Variants in TAF3 observed in about 807,000 individuals in gnomAD.
TAF3 encodes transcription initiation factor TFIID subunit 3.
A neutral mutation model predicts 80.6 loss-of-function variants in TAF3; 7 were observed. That is an observed-to-expected ratio of 0.09 (90% CI 0.05 to 0.16). TAF3 has a LOEUF of 0.16. TAF3 is among the 10% of genes least tolerant of loss of function. The pLI, the probability that TAF3 is intolerant of heterozygous loss-of-function variation, is 1.00. For synonymous variants in TAF3, 444 were observed against 446.1 expected (o/e 1.00, Z 0.06); for missense variants, 921 against 1,140.2 (o/e 0.81, Z 2.77).
chr10:7,846,627 A>G (rs1301900674), intron 2 of TAF3, among the ~76,000 whole-genome samples: 1 of 147,688 alleles, frequency 6.8e-6, no homozygotes, highest in Non-Finnish European at 1.5e-5. Flanking sequence ...AAAAAGGAGA[A>G]AAATGATCAT....
At chr10:7,848,156 C>A (rs923355444) in intron 2 of TAF3, among the ~76,000 whole-genome samples, 1 of 152,160 alleles carries the variant, frequency 6.6e-6, no homozygotes, top group African/African-American at 2.4e-5. Context: ...ATAAAGGTTC[C>A]ATTGGAGCCA....
chr10:7,894,078 C>T (rs1381930965), intron 2 of TAF3, among the ~76,000 whole-genome samples: 3 of 152,110 alleles, frequency 2.0e-5, no homozygotes, highest in South Asian at 2.1e-4. Context: ...TAAAATTATC[C>T]TTTTTCTTTT....
At chr10:7,917,918 C>T (rs896373728) in intron 2 of TAF3, among the ~76,000 whole-genome samples, 2 of 152,104 alleles carry the variant, frequency 1.3e-5, no homozygotes, top group African/African-American at 2.4e-5. Context: ...TGGAGAAGAC[C>T]GAGGAGAGGA....
At chr10:7,846,450 T>C (rs888413880) in intron 2 of TAF3, among the ~76,000 whole-genome samples, 2 of 152,204 alleles carry the variant, frequency 1.3e-5, no homozygotes, top group African/African-American at 4.8e-5. Flanking sequence ...TTTAACATAA[T>C]TTGAGGAAAG....
intron 2 of TAF3, among the ~76,000 whole-genome samples, chr10:7,878,594 T>G (rs1013080475): frequency 1.3e-5 from 2 of 152,160 alleles, no homozygotes; most frequent in African/African-American, 4.8e-5. Context: ...GGTATTTAAA[T>G]CAGCTATATT....
At chr10:7,990,006 A>AT (rs919885268) in intron 4 of TAF3, among the ~76,000 whole-genome samples, 9 of 151,248 alleles carry the variant, frequency 6.0e-5, no homozygotes, top group Non-Finnish European at 7.4e-5. Context: ...TTAAAATTAT[A>AT]TTTTTTCTAA....
At chr10:7,825,579 C>A (rs960053087) in intron 2 of TAF3, among the ~76,000 whole-genome samples, 33 of 146,656 alleles carry the variant, frequency 2.3e-4, no homozygotes, top group African/African-American at 7.9e-4. Flanking sequence ...TATAAATGGA[C>A]TTGGACATTA....
chr10:7,935,766 G>T (rs1487004356), intron 2 of TAF3, among the ~76,000 whole-genome samples: 1 of 148,888 alleles, frequency 6.7e-6, no homozygotes, highest in African/African-American at 2.4e-5. Flanking sequence ...AAGAGAGGAA[G>T]CGCAGATTCC....
At chr10:7,840,776 C>T (rs980623816) in intron 2 of TAF3, among the ~76,000 whole-genome samples, 3 of 151,894 alleles carry the variant, frequency 2.0e-5, no homozygotes, top group African/African-American at 7.2e-5. Flanking sequence ...GAACAGTGTA[C>T]TCATTGCCTT....
intron 4 of TAF3, among the ~76,000 whole-genome samples, chr10:7,986,739 C>T (rs1282425465): frequency 1.3e-5 from 2 of 152,148 alleles, no homozygotes; most frequent in African/African-American, 4.8e-5. Flanking sequence ...GAAAGAAGTC[C>T]ATATCCTTAT....
chr10:7,886,621 G>A (rs1426983609), intron 2 of TAF3, among the ~76,000 whole-genome samples: 1 of 152,228 alleles, frequency 6.6e-6, no homozygotes, highest in Non-Finnish European at 1.5e-5. Flanking sequence ...TGGGGTTAGT[G>A]TAAAAACTAA....
chr10:7,876,972 A>G (rs911002926), intron 2 of TAF3, among the ~76,000 whole-genome samples: 2 of 150,902 alleles, frequency 1.3e-5, no homozygotes, highest in South Asian at 2.1e-4. Context: ...CCTGATTTTC[A>G]GATCTCTCTT....
At chr10:7,984,741 A>C (rs1831760510) in intron 4 of TAF3, among the ~76,000 whole-genome samples, 1 of 152,222 alleles carries the variant, frequency 6.6e-6, no homozygotes, top group African/African-American at 2.4e-5. Flanking sequence ...AAAGTACTTA[A>C]GATTCATTAT....
At chr10:7,979,226 C>A (rs1364574736) in intron 4 of TAF3, among the ~76,000 whole-genome samples, 1 of 151,858 alleles carries the variant, frequency 6.6e-6, no homozygotes, top group Non-Finnish European at 1.5e-5. Context: ...TGCCTGTAGT[C>A]CCAGCTACTT....
rs1378892662 is a variant in TAF3, at chr10:8,016,209, C to CTGTT, written c.*1459_*1462dup. ...CCCAGTGTAGGCCCATGTGCTGGAT[C>CTGTT]TGTTGGATGCTAGAATATGGGCTTT... On this transcript the variant is annotated 3_prime_UTR_variant, in exon 7 of 7. Transcript: ENST00000344293. 1 of 152,154 alleles carries CTGTT rather than the reference C, an allele frequency of 6.6e-6. No individual in the cohort carries two copies. Among genetic ancestry groups the CTGTT allele is most frequent in the South Asian group, 2.1e-4 (1 of 4,836 alleles). The allele number at this position is 152,154 out of a possible 1,614,324, so 9.4% of individuals were successfully genotyped here.
chr10:7,898,329 C>T (rs1378063085), intron 2 of TAF3, among the ~76,000 whole-genome samples: 1 of 151,994 alleles, frequency 6.6e-6, no homozygotes, highest in Non-Finnish European at 1.5e-5. Context: ...GGTGGATCAC[C>T]TGAGGTCAGG....
chr10:7,988,959 ATGTG>A (rs1831807045), intron 4 of TAF3, among the ~76,000 whole-genome samples: 1 of 152,126 alleles, frequency 6.6e-6, no homozygotes, highest in African/African-American at 2.4e-5. Context: ...TGTAAAAAAA[ATGTG>A]TGTCCTATTT....
In TAF3 at chr10:7,883,359, T is replaced by G. The variant is rs529122319; in HGVS notation, c.409+58799T>G. Among the ~76,000 whole-genome samples the G allele has an allele frequency of 5.3e-5, 8 of 152,368 alleles. No homozygotes were observed. In the South Asian group the frequency reaches 1.7e-3, roughly 32 times the overall value. On this transcript the variant is annotated intron_variant, in intron 2 of 6. Transcript: ENST00000344293. The stretch of plus-strand genomic sequence containing the variant: ...TTCCTCATCAAATTCAGGGTGATTA[T>G]TTTCATCAGAAATACCGTAGACGGT...
intron 2 of TAF3, among the ~76,000 whole-genome samples, chr10:7,877,399 G>A (rs935004964): frequency 3.3e-5 from 5 of 152,118 alleles, no homozygotes; most frequent in Admixed American, 2.0e-4. Context: ...TGTAAAATAA[G>A]TAGATACATT....
Sources: gnomAD v4.1 joint callset for allele counts (sites outside exome capture counted in the v4.1 genomes callset) on GRCh38, gnomAD v4.1.1 for gene constraint, MANE v1.5 for transcripts, NCBI Gene and HGNC (gene_info 2026-07-23, HGNC 2026-07-21) for gene names.